Variants in SNTG1 observed in about 807,000 individuals in gnomAD.
SNTG1 encodes gamma-1-syntrophin.
In SNTG1, 39 loss-of-function variants were observed where a neutral mutation model predicts 74.7. The observed-to-expected ratio is 0.52, with a 90% confidence interval of 0.40 to 0.68. The LOEUF is 0.68. Ranked by LOEUF, SNTG1 falls within the 30% of genes least tolerant of loss-of-function variation. The pLI, the probability that SNTG1 is intolerant of heterozygous loss-of-function variation, is 0.00. For missense variants in SNTG1, 685 were observed against 609.5 expected (o/e 1.12, Z -1.30); for synonymous variants, 254 against 217.1 (o/e 1.17, Z -1.49).
intron 9 of SNTG1, among the ~76,000 whole-genome samples, chr8:50,527,889 T>G (rs1226596689): frequency 6.6e-6 from 1 of 152,010 alleles, no homozygotes; most frequent in Non-Finnish European, 1.5e-5. Flanking sequence ...ATATCTTTCA[T>G]TAAATTTATT....
intron 1 of SNTG1, among the ~76,000 whole-genome samples, chr8:49,992,327 T>C (rs1475525664): frequency 6.6e-6 from 1 of 152,228 alleles, no homozygotes; most frequent in Non-Finnish European, 1.5e-5. Context: ...GGACTAACTG[T>C]ACCTCCATTT....
At chr8:50,662,021 A>G (rs748602455) in intron 15 of SNTG1, among the ~76,000 whole-genome samples, 1 of 152,068 alleles carries the variant, frequency 6.6e-6, no homozygotes, top group African/African-American at 2.4e-5. Context: ...CATGCAGATT[A>G]CCTTCTGGCC....
chr8:50,281,444 C>A (rs904794038), intron 2 of SNTG1, among the ~76,000 whole-genome samples: 10 of 152,168 alleles, frequency 6.6e-5, no homozygotes, highest in Non-Finnish European at 1.0e-4. Context: ...AGTCTATCCA[C>A]ACATGAGCTG....
intron 2 of SNTG1, among the ~76,000 whole-genome samples, chr8:50,332,113 G>A (rs1430110552): frequency 6.6e-6 from 1 of 152,114 alleles, no homozygotes; most frequent in African/African-American, 2.4e-5. Flanking sequence ...TGACTATTGA[G>A]CTGTGGAGCT....
chr8:49,982,103 T>C (rs1446026225), intron 1 of SNTG1, among the ~76,000 whole-genome samples: 2 of 152,188 alleles, frequency 1.3e-5, no homozygotes, highest in Admixed American at 6.5e-5. Context: ...CTCTTATGTC[T>C]CCTTTAAGTT....
chr8:50,758,828 G>T (rs529073025), intron 18 of SNTG1, among the ~76,000 whole-genome samples: 1 of 152,074 alleles, frequency 6.6e-6, no homozygotes, highest in Non-Finnish European at 1.5e-5. Context: ...AACCCTTTGG[G>T]TATATACTCA....
In SNTG1 at chr8:50,092,212, C is replaced by T. The variant is rs149796195; in HGVS notation, c.-102-80349C>T. On this transcript the variant is annotated intron_variant, in intron 1 of 18. Transcript: ENST00000642720. ...AGGAGGACATAGCAGGGACTTCATA[C>T]GTGGGGATGAATCAATGTCAAATGA... is the stretch of plus-strand genomic sequence containing the variant. Among the ~76,000 whole-genome samples, 17 of 152,214 alleles carry T rather than the reference C, an allele frequency of 1.1e-4. No individual in the cohort carries two copies. The East Asian group carries it at 1.9e-3, about 17-fold the overall frequency.
intron 1 of SNTG1, among the ~76,000 whole-genome samples, chr8:50,153,811 C>G (rs1011692551): frequency 6.6e-6 from 1 of 152,190 alleles, no homozygotes; most frequent in Non-Finnish European, 1.5e-5. Context: ...CAGTCTGCCC[C>G]CTACTGGGGG....
intron 1 of SNTG1, among the ~76,000 whole-genome samples, chr8:49,940,508 C>T (rs1287695669): frequency 6.6e-6 from 1 of 152,056 alleles, no homozygotes; most frequent in Non-Finnish European, 1.5e-5. Flanking sequence ...TAAAAAAATC[C>T]TTTATTTTGA....
At position 50,770,827 on chromosome 8, in the gene SNTG1, C is replaced by A. The variant is rs191830018; in HGVS notation, c.1395+18716C>A. ...GGTTGTTAAAACAAGTCTGGCTTCACAGGTTTGTCTCTCTTACTTCCTCTC... is the reference window on the plus strand; with the variant it reads ...GGTTGTTAAAACAAGTCTGGCTTCAAAGGTTTGTCTCTCTTACTTCCTCTC... On this transcript the variant is annotated intron_variant, in intron 18 of 18. Coordinates refer to ENST00000642720, the MANE Select transcript of SNTG1 (RefSeq NM_018967.5). Among the ~76,000 whole-genome samples the A allele has an allele frequency of 7.2e-4, 110 of 152,086 alleles. 1 individual carries two copies. Among genetic ancestry groups the A allele is most frequent in the Admixed American group, 7.1e-3 (108 of 15,250 alleles).
intron 2 of SNTG1, among the ~76,000 whole-genome samples, chr8:50,355,865 G>A (rs1009408457): frequency 3.3e-5 from 5 of 152,116 alleles, no homozygotes; most frequent in Admixed American, 6.6e-5. Flanking sequence ...TTTGCTGTGA[G>A]CTTACCGTGG....
intron 2 of SNTG1, among the ~76,000 whole-genome samples, chr8:50,319,948 A>T (rs540961065): frequency 6.6e-6 from 1 of 152,352 alleles, no homozygotes; most frequent in East Asian, 1.9e-4. Flanking sequence ...ATCAATATTC[A>T]TCAGCAATAT....
chr8:50,423,442 T>C (rs1470877307), intron 4 of SNTG1, among the ~76,000 whole-genome samples: 2 of 152,240 alleles, frequency 1.3e-5, no homozygotes, highest in East Asian at 3.8e-4. Flanking sequence ...ATTATCCCTT[T>C]CCAAAAGTTC....
chr8:50,208,919 G>A lies in SNTG1; in HGVS notation c.-28+36284G>A, dbSNP rs182393458. On this transcript the variant is annotated intron_variant, in intron 2 of 18. Transcript: ENST00000642720. ...TTGTCGGACAGTGGGTTCAGCCCACGGAGCAGGGCAGGGCATCGCCTCACC... is the reference window on the plus strand; with the variant it reads ...TTGTCGGACAGTGGGTTCAGCCCACAGAGCAGGGCAGGGCATCGCCTCACC... Among the ~76,000 whole-genome samples the A allele has an allele frequency of 2.0e-3, 312 of 152,302 alleles. 1 individual carries two copies. Among genetic ancestry groups the A allele is most frequent in the African/African-American group, 7.0e-3 (291 of 41,566 alleles).
chr8:50,316,226 G>C (rs145399380), intron 2 of SNTG1, among the ~76,000 whole-genome samples: 264 of 152,116 alleles, frequency 1.7e-3, no homozygotes, highest in Non-Finnish European at 3.2e-3. Context: ...TGGTAAACAC[G>C]GTAGAATCCA....
At chr8:50,633,722 C>T (rs190894339) in intron 13 of SNTG1, among the ~76,000 whole-genome samples, 10 of 152,174 alleles carry the variant, frequency 6.6e-5, no homozygotes, top group African/African-American at 2.4e-4. Context: ...GGAAATGAAC[C>T]CCAAATTCTA....
intron 2 of SNTG1, among the ~76,000 whole-genome samples, chr8:50,173,417 G>C (rs1454001819): frequency 6.6e-6 from 1 of 152,126 alleles, no homozygotes; most frequent in South Asian, 2.1e-4. Context: ...GCTTTAGTAA[G>C]ATTCATCAAA....
intron 13 of SNTG1, among the ~76,000 whole-genome samples, chr8:50,606,809 G>A (rs984851777): frequency 6.6e-6 from 1 of 151,658 alleles, no homozygotes; most frequent in African/African-American, 2.4e-5. Flanking sequence ...TGCCTTTTCT[G>A]TGACTATTAA....
intron 13 of SNTG1, among the ~76,000 whole-genome samples, chr8:50,627,571 G>A (rs1251961976): frequency 2.0e-5 from 3 of 151,326 alleles, no homozygotes; most frequent in Admixed American, 6.6e-5. Context: ...TTCTGTTATG[G>A]CAACACAAAA....
Sources: gnomAD v4.1 joint callset for allele counts (sites outside exome capture counted in the v4.1 genomes callset) on GRCh38, gnomAD v4.1.1 for gene constraint, MANE v1.5 for transcripts, NCBI Gene and HGNC (gene_info 2026-07-23, HGNC 2026-07-21) for gene names.